TEKT3: variants seen among roughly 807,000 people sequenced by gnomAD.
TEKT3 encodes tektin-3.
Under a neutral mutation model 49.8 loss-of-function variants are expected in TEKT3, and 49 were observed. The observed-to-expected ratio is 0.98, with a 90% confidence interval of 0.78 to 1.25. The LOEUF (loss-of-function observed/expected upper bound fraction) is 1.25, where lower values mean the gene tolerates loss of function less well. Among genes scored for constraint, TEKT3 ranks in the 50% most tolerant of loss-of-function variants. The pLI is 0.00. For synonymous variants in TEKT3, 225 were observed against 237.2 expected (o/e 0.95, Z 0.47); for missense variants, 595 against 629.5 (o/e 0.95, Z 0.59).
Position 15,304,577 on chromosome 17 carries a change from G to A in TEKT3, c.1257-425C>T, listed in dbSNP as rs141294326. Among the ~76,000 whole-genome samples the A allele has an allele frequency of 1.2e-4, 18 of 152,230 alleles. No individual in the cohort carries two copies. Among genetic ancestry groups the A allele is most frequent in the Admixed American group, 1.1e-3 (17 of 15,288 alleles). Reference sequence around the variant, plus strand: ...ACACAGGGCCCACATGTGTTTGTAAGCTGTACCTGCTTATCCAGGAAGCTA... The same window carrying A: ...ACACAGGGCCCACATGTGTTTGTAAACTGTACCTGCTTATCCAGGAAGCTA... On this transcript the variant is annotated intron_variant, in intron 8 of 8. Transcript: ENST00000395930. The surrounding 1 kb of genome is among the most constrained non-coding windows in gnomAD (Gnocchi z 4.7).
intron 7 of TEKT3, chr17:15,311,518 T>A (rs1277901844): frequency 6.6e-6 from 1 of 152,178 alleles, no homozygotes; most frequent in Non-Finnish European, 1.5e-5. Flanking sequence ...ATGTTTCCAA[T>A]CCAAAGAAAT....
At chr17:15,314,272 A>G in intron 5 of TEKT3, 42 bp from the exon 6 acceptor site, 1 of 1,612,024 alleles carries the variant, frequency 6.2e-7, no homozygotes, top group Non-Finnish European at 8.5e-7. Context: ...CACTCAGGTG[A>G]CAATGTCCTG....
In TEKT3 at chr17:15,331,186, G is replaced by T; in HGVS notation, c.400C>A (p.Gln134Lys). The change falls in exon 3 of 9, where the codon CAA (glutamine) becomes AAA (lysine). Residue 134 changes from glutamine (Q) to lysine (K), a missense_variant. Coordinates refer to ENST00000395930, the MANE Select transcript of TEKT3 (RefSeq NM_031898.3). ...GTGTCTGCCTGAGTTTTTCTTGTTT[G>T]TTGATATTTGTCTTGAATCAGGCGA... Reference protein sequence around the residue: ...TSRLIQDKYQQTRKTQADTTQ... With the variant: ...TSRLIQDKYQKTRKTQADTTQ... The T allele has an allele frequency of 6.2e-7, 1 of 1,614,174 alleles. No homozygotes were observed. Among genetic ancestry groups the T allele is most frequent in the East Asian group, 2.2e-5 (1 of 44,886 alleles).
intron 5 of TEKT3, among the ~76,000 whole-genome samples, chr17:15,318,198 C>A (rs1051450389): frequency 6.6e-6 from 1 of 151,666 alleles, no homozygotes; most frequent in South Asian, 2.1e-4. Context: ...ATGGTGTTAG[C>A]CAGGATGGTC....
intron 4 of TEKT3, among the ~76,000 whole-genome samples, chr17:15,320,687 T>A (rs1288048724): frequency 6.6e-6 from 1 of 152,212 alleles, no homozygotes; most frequent in Admixed American, 6.5e-5. Flanking sequence ...TAAATTCCCT[T>A]CACACATTGA....
At chr17:15,328,572 T>C (rs1911584105) in intron 3 of TEKT3, among the ~76,000 whole-genome samples, 1 of 152,198 alleles carries the variant, frequency 6.6e-6, no homozygotes, top group African/African-American at 2.4e-5. Flanking sequence ...CAAAATAATA[T>C]GCCTTTACTC....
chr17:15,334,821 T>C (rs1040490040), intron 2 of TEKT3, among the ~76,000 whole-genome samples: 1 of 152,134 alleles, frequency 6.6e-6, no homozygotes, highest in Non-Finnish European at 1.5e-5. Context: ...GTGGGGATGG[T>C]TTCACCAAAA....
At chr17:15,334,216 T>A (rs1911896253) in intron 2 of TEKT3, among the ~76,000 whole-genome samples, 2 of 152,212 alleles carry the variant, frequency 1.3e-5, no homozygotes, top group South Asian at 4.1e-4. Context: ...GCCTGGCTAC[T>A]TTTATTTATT....
At chr17:15,331,867 AT>A (rs1167850495) in intron 2 of TEKT3, among the ~76,000 whole-genome samples, 16 of 152,260 alleles carry the variant, frequency 1.1e-4, no homozygotes, top group Non-Finnish European at 2.1e-4. Flanking sequence ...TTTTGTGAAA[AT>A]TATGAGAGTA....
At chr17:15,343,292 T>G (rs1167638097), upstream of TEKT3, among the ~76,000 whole-genome samples, 1 of 152,212 alleles carries the variant, frequency 6.6e-6, no homozygotes, top group Non-Finnish European at 1.5e-5. Context: ...TGATTAAAAT[T>G]TCAGGTTAAA....
chr17:15,329,753 G>A (rs553030204), intron 3 of TEKT3, among the ~76,000 whole-genome samples: 98 of 152,280 alleles, frequency 6.4e-4, no homozygotes, highest in African/African-American at 2.3e-3. Flanking sequence ...CCGCTCACCA[G>A]ACTTTCAGCT....
At chr17:15,308,552 G>T (rs555876381) in intron 8 of TEKT3, 112 bp downstream of exon 8, 27 of 1,397,174 alleles carry the variant, frequency 1.9e-5, no homozygotes, top group Non-Finnish European at 2.4e-5. Context: ...CATTCTCACA[G>T]AAGGCTCCTA....
At chr17:15,343,449 G>T (rs545971073), upstream of TEKT3, among the ~76,000 whole-genome samples, 20 of 152,216 alleles carry the variant, frequency 1.3e-4, 1 homozygote, top group African/African-American at 4.8e-4. Flanking sequence ...GTACGATAGA[G>T]ACCTCCTACA....
chr17:15,304,281 G>T lies in TEKT3; in HGVS notation c.1257-129C>A, dbSNP rs1236588546. ...TTAGGATATATTTATCAGCAAATGA[G>T]AGGTGCATGAAATTAATAAAATATA... On this transcript the variant is annotated intron_variant, in intron 8 of 8. Coordinates refer to ENST00000395930, the MANE Select transcript of TEKT3 (RefSeq NM_031898.3). This position sits in a 1 kb window ranked among gnomAD's most constrained non-coding sequence, Gnocchi z 4.7. 3 of 825,612 alleles carry T rather than the reference G, an allele frequency of 3.6e-6. No homozygotes were observed. The highest frequency in any genetic ancestry group is 5.7e-6 in the Non-Finnish European group (3 of 528,730). 51.1% of individuals were successfully genotyped at this position (825,612 alleles called of 1,614,324 possible).
At chr17:15,315,874 C>T (rs909210309) in intron 5 of TEKT3, among the ~76,000 whole-genome samples, 1 of 152,116 alleles carries the variant, frequency 6.6e-6, no homozygotes, top group Non-Finnish European at 1.5e-5. Context: ...ATTCTCAGCA[C>T]CTAAAAATGG....
chr17:15,338,779 G>A (rs1912106254), intron 2 of TEKT3, among the ~76,000 whole-genome samples: 1 of 149,516 alleles, frequency 6.7e-6, no homozygotes, highest in Non-Finnish European at 1.5e-5. Context: ...GCCTCCCAAA[G>A]TGTTGGGATT....
chr17:15,329,681 T>C (rs1265442277), intron 3 of TEKT3, among the ~76,000 whole-genome samples: 4 of 152,174 alleles, frequency 2.6e-5, no homozygotes, highest in Non-Finnish European at 5.9e-5. Context: ...TATGTGTTTT[T>C]GTACAGCGGG....
chr17:15,318,400 T>TA (rs1264167622), intron 5 of TEKT3, among the ~76,000 whole-genome samples: 2 of 151,966 alleles, frequency 1.3e-5, no homozygotes, highest in South Asian at 2.1e-4. Flanking sequence ...ATCTCTTATG[T>TA]AAAAAAAATG....
chr17:15,326,498 G>A (rs1049474303), intron 4 of TEKT3, among the ~76,000 whole-genome samples: 3 of 152,122 alleles, frequency 2.0e-5, no homozygotes, highest in Admixed American at 1.3e-4. Flanking sequence ...AGGGAAACTT[G>A]GGGAAGGAAA....
Sources: gnomAD v4.1 joint callset for allele counts (sites outside exome capture counted in the v4.1 genomes callset) on GRCh38, gnomAD v4.1.1 for gene constraint, Gnocchi (gnomAD v3.1) non-coding constraint, MANE v1.5 for transcripts, NCBI Gene and HGNC (gene_info 2026-07-23, HGNC 2026-07-21) for gene names.